Variants in SCAMP1 observed in about 807,000 individuals in gnomAD.
The protein encoded by SCAMP1 is secretory carrier membrane protein 1.
A neutral mutation model predicts 41.8 loss-of-function variants in SCAMP1; 15 were observed. The observed-to-expected ratio is 0.36, with a 90% CI of 0.24 to 0.55. The LOEUF is 0.55. SCAMP1 is among the 20% of genes least tolerant of loss of function. The pLI, the probability that SCAMP1 is intolerant of heterozygous loss-of-function variation, is 0.86. For synonymous variants in SCAMP1, 135 were observed against 136.8 expected (o/e 0.99, Z 0.09); for missense variants, 341 against 412.6 (o/e 0.83, Z 1.50).
chr5:78,424,331 A>G (rs1188536400), intron 6 of SCAMP1, among the ~76,000 whole-genome samples: 1 of 152,220 alleles, frequency 6.6e-6, no homozygotes, highest in Admixed American at 6.5e-5. Flanking sequence ...CTCAAGGAAA[A>G]TTATATAGTG....
rs1201206613 is a variant in SCAMP1, at chr5:78,460,820, C to CTTTCTTTCTTT, written c.852+1458_852+1459insTTTCTTTCTTT. On this transcript the variant is annotated intron_variant, in intron 8 of 8. Transcript: ENST00000621999. ...TCCTTCCTTCCTCCCTTCCTTCCTT[C>CTTTCTTTCTTT]CTTTCTTGTCTTTCCTCTATCTGTC... Among the ~76,000 whole-genome samples, 2 of 28,172 alleles carry CTTTCTTTCTTT rather than the reference C, an allele frequency of 7.1e-5. 1 individual carries two copies. The allele number at this position is 28,172 out of a possible 152,430, so 18.5% of individuals were successfully genotyped here.
At chr5:78,445,098 C>A (rs1440602285) in intron 6 of SCAMP1, among the ~76,000 whole-genome samples, 3 of 152,184 alleles carry the variant, frequency 2.0e-5, no homozygotes, top group Non-Finnish European at 2.9e-5. Context: ...AATACTTTGT[C>A]TTTTCCCATC....
intron 4 of SCAMP1, 51 bp from the exon 5 acceptor site, chr5:78,418,724 A>C: frequency 4.3e-6 from 5 of 1,165,574 alleles, no homozygotes; most frequent in Non-Finnish European, 6.0e-6. Flanking sequence ...AAATAATATC[A>C]CATTTGTTAT....
chr5:78,457,305 T>C (rs1258437735), intron 7 of SCAMP1, among the ~76,000 whole-genome samples: 3 of 152,246 alleles, frequency 2.0e-5, no homozygotes, highest in East Asian at 1.9e-4. Flanking sequence ...TTTTTCCCCG[T>C]CTTTGTGGTT....
intron 5 of SCAMP1, 132 bp downstream of exon 5, chr5:78,419,035 C>G (rs1174748670): frequency 2.4e-5 from 18 of 738,532 alleles, no homozygotes; most frequent in Non-Finnish European, 1.7e-5. Flanking sequence ...ATCATGATTT[C>G]AGAGTGAAAC....
At chr5:78,456,165 G>T (rs1454397923) in intron 7 of SCAMP1, among the ~76,000 whole-genome samples, 4 of 122,324 alleles carry the variant, frequency 3.3e-5, no homozygotes, top group Admixed American at 8.7e-5. Flanking sequence ...CTTTTAATTG[G>T]AGCATTTAGT....
intron 1 of SCAMP1, among the ~76,000 whole-genome samples, chr5:78,372,103 T>G (rs1035499086): frequency 1.3e-5 from 2 of 152,224 alleles, no homozygotes; most frequent in African/African-American, 4.8e-5. Context: ...ACAAATACTT[T>G]AAGTTCTCAC....
At chr5:78,442,566 G>C (rs1561278443) in intron 6 of SCAMP1, among the ~76,000 whole-genome samples, 1 of 152,082 alleles carries the variant, frequency 6.6e-6, no homozygotes, top group Admixed American at 6.5e-5. Flanking sequence ...GCTGAGTTTT[G>C]TTTTATAAGA....
chr5:78,459,135 G>A (rs1363668232), intron 7 of SCAMP1, 110 bp from the exon 8 acceptor site: 2 of 679,070 alleles, frequency 2.9e-6, no homozygotes, highest in African/African-American at 3.7e-5. Flanking sequence ...TACACATAAA[G>A]AACTTGAATA....
rs539854539 is a variant in SCAMP1, at chr5:78,477,112, G to C, written c.*1444G>C. The C allele has an allele frequency of 6.6e-6, 1 of 152,268 alleles. No homozygotes were observed. Among genetic ancestry groups the C allele is most frequent in the Admixed American group, 6.5e-5 (1 of 15,294 alleles). 9.4% of individuals were successfully genotyped at this position (152,268 alleles called of 1,614,324 possible). A position where few individuals can be genotyped will look rare whatever the true frequency, so the allele number is the denominator to read the frequency against. On this transcript the variant is annotated 3_prime_UTR_variant, in exon 9 of 9. Coordinates refer to ENST00000621999, the MANE Select transcript of SCAMP1 (RefSeq NM_004866.6). ...GAAATCCTTATTTTTTAAAAAATCA[G>C]ATAGGCATAAATAGTTAAATCACTT...
chr5:78,375,290 G>T lies in SCAMP1; in HGVS notation c.58-13547G>T, dbSNP rs537387625. 2.0e-5 allele frequency among the ~76,000 whole-genome samples: 3 copies of T among 152,142 alleles called. No individual in the cohort carries two copies. The East Asian group carries it at 5.8e-4, about 29-fold the overall frequency. ...AGTTTTGAACATAAATTTCTTTATT[G>T]CATTTTCTTCCAACAACTTGGTCTT... is the stretch of plus-strand genomic sequence containing the variant. On this transcript the variant is annotated intron_variant, in intron 1 of 8. Coordinates refer to ENST00000621999, the MANE Select transcript of SCAMP1 (RefSeq NM_004866.6).
intron 6 of SCAMP1, among the ~76,000 whole-genome samples, chr5:78,443,378 A>G (rs1339460270): frequency 1.3e-5 from 2 of 152,022 alleles, no homozygotes; most frequent in African/African-American, 4.8e-5. Flanking sequence ...GGGTGTTGTA[A>G]GGTTTGAATG....
intron 6 of SCAMP1, among the ~76,000 whole-genome samples, chr5:78,434,646 G>T (rs1167820079): frequency 1.3e-5 from 2 of 150,954 alleles, no homozygotes; most frequent in South Asian, 2.1e-4. Flanking sequence ...TTAACATTTT[G>T]TTTTTACATC....
At chr5:78,468,120 C>G (rs1163802472) in intron 8 of SCAMP1, among the ~76,000 whole-genome samples, 1 of 152,082 alleles carries the variant, frequency 6.6e-6, no homozygotes, top group Non-Finnish European at 1.5e-5. Context: ...TTTCTGTTGT[C>G]TTGCATAACT....
At chr5:78,474,997 C>T (rs555952386) in intron 8 of SCAMP1, among the ~76,000 whole-genome samples, 2 of 152,086 alleles carry the variant, frequency 1.3e-5, no homozygotes, top group Non-Finnish European at 2.9e-5. Context: ...GAGTGCATAG[C>T]GGCAATATGT....
intron 7 of SCAMP1, among the ~76,000 whole-genome samples, chr5:78,454,129 C>A (rs1238831629): frequency 6.6e-6 from 1 of 152,124 alleles, no homozygotes; most frequent in Non-Finnish European, 1.5e-5. Flanking sequence ...CGTCTGCAAA[C>A]AGGGACAATT....
chr5:78,371,024 T>G (rs1159484378), intron 1 of SCAMP1, among the ~76,000 whole-genome samples: 1 of 152,176 alleles, frequency 6.6e-6, no homozygotes, highest in Non-Finnish European at 1.5e-5. Flanking sequence ...TATTTGTCTT[T>G]TTTATTATTG....
intron 7 of SCAMP1, among the ~76,000 whole-genome samples, chr5:78,453,926 G>A (rs954219744): frequency 6.6e-6 from 1 of 152,038 alleles, no homozygotes; most frequent in African/African-American, 2.4e-5. Context: ...GGATTCCTGG[G>A]TATTTTATTC....
At chr5:78,452,739 T>C (rs1753271454) in intron 7 of SCAMP1, among the ~76,000 whole-genome samples, 1 of 149,460 alleles carries the variant, frequency 6.7e-6, no homozygotes, top group Non-Finnish European at 1.5e-5. Context: ...TATTTCTAGT[T>C]CTAGATCCCT....
Sources: gnomAD v4.1 joint callset for allele counts (sites outside exome capture counted in the v4.1 genomes callset) on GRCh38, gnomAD v4.1.1 for gene constraint, MANE v1.5 for transcripts, NCBI Gene and HGNC (gene_info 2026-07-23, HGNC 2026-07-21) for gene names.